LY75: variants seen among roughly 807,000 people sequenced by gnomAD.
LY75 encodes the protein C-type lectin domain family 13 member B.
A neutral mutation model predicts 231.7 loss-of-function variants in LY75; 185 were observed. The observed-to-expected ratio is 0.80, with a 90% CI of 0.71 to 0.90. The LOEUF (loss-of-function observed/expected upper bound fraction) is 0.90, where lower values mean the gene tolerates loss of function less well. Among genes scored for constraint, LY75 ranks in the 40% least tolerant of loss-of-function variants. The pLI is 0.00. For missense variants in LY75, 1,947 were observed against 2,050.2 expected (o/e 0.95, Z 0.97); for synonymous variants, 668 against 689.0 (o/e 0.97, Z 0.48).
chr2:159,900,943 A>C (rs1686057531), intron 1 of LY75, among the ~76,000 whole-genome samples: 1 of 152,012 alleles, frequency 6.6e-6, no homozygotes, highest in Non-Finnish European at 1.5e-5. Context: ...GGTTCAAGTG[A>C]TTCTCATGCC....
intron 28 of LY75, among the ~76,000 whole-genome samples, chr2:159,822,740 G>T (rs1683334864): frequency 1.3e-5 from 2 of 152,132 alleles, no homozygotes; most frequent in African/African-American, 4.8e-5. Flanking sequence ...CATCAGGCAG[G>T]TGCCCCTCTG....
intron 31 of LY75, among the ~76,000 whole-genome samples, chr2:159,813,700 C>T (rs1012164665): frequency 2.0e-5 from 3 of 152,114 alleles, no homozygotes; most frequent in African/African-American, 7.2e-5. Flanking sequence ...CCAATATGTC[C>T]TCACCTCAAC....
chr2:159,836,524 CAT>C (rs1683832851), intron 25 of LY75, among the ~76,000 whole-genome samples: 1 of 152,192 alleles, frequency 6.6e-6, no homozygotes, highest in Non-Finnish European at 1.5e-5. Flanking sequence ...AGAGACCTTA[CAT>C]ACCCACTGGT....
intron 11 of LY75, 38 bp from the exon 12 acceptor site, chr2:159,875,681 C>G (rs371081105): frequency 9.8e-5 from 157 of 1,606,528 alleles, no homozygotes; most frequent in Non-Finnish European, 1.3e-4. Flanking sequence ...AAAATTAAAA[C>G]GTTAAAGTTC....
At chr2:159,875,713 C>A in intron 11 of LY75, 70 bp from the exon 12 acceptor site, 1 of 1,564,104 alleles carries the variant, frequency 6.4e-7, no homozygotes, top group South Asian at 1.2e-5. Flanking sequence ...AGTGTTTCTA[C>A]TCTTTACTTC....
intron 22 of LY75, 62 bp from the exon 23 acceptor site, chr2:159,850,202 G>A (rs936789700): frequency 1.3e-6 from 2 of 1,533,060 alleles, no homozygotes; most frequent in Middle Eastern, 1.7e-4. Flanking sequence ...CATTAAAAAT[G>A]TCAATGAATA....
chr2:159,839,187 A>T (rs1433783585), intron 25 of LY75, among the ~76,000 whole-genome samples: 1 of 152,086 alleles, frequency 6.6e-6, no homozygotes, highest in Non-Finnish European at 1.5e-5. Flanking sequence ...TTTTGATAAC[A>T]ATTCTTGTTT....
At chr2:159,842,408 T>G (rs1307696657) in intron 23 of LY75, 34 bp from the exon 24 acceptor site, 6 of 1,590,992 alleles carry the variant, frequency 3.8e-6, no homozygotes, top group Non-Finnish European at 5.1e-6. Flanking sequence ...CATGCAATCA[T>G]GTAACAATGG....
At chr2:159,864,976 CA>C in intron 13 of LY75, 56 bp from the exon 14 acceptor site, 1 of 1,505,566 alleles carries the variant, frequency 6.6e-7, no homozygotes, top group Non-Finnish European at 9.0e-7. Flanking sequence ...AAATATTTAG[CA>C]CTCACATGTC....
At chr2:159,874,732 TATATGTAA>T (rs1685189221) in intron 12 of LY75, among the ~76,000 whole-genome samples, 1 of 82,366 alleles carries the variant, frequency 1.2e-5, no homozygotes, top group African/African-American at 4.5e-5. Flanking sequence ...ATTTTGTAAA[TATATGTAA>T]ATATATATAT....
At chr2:159,866,869 A>T (rs749992551) in intron 13 of LY75, among the ~76,000 whole-genome samples, 9 of 152,154 alleles carry the variant, frequency 5.9e-5, no homozygotes, top group Non-Finnish European at 1.2e-4. Context: ...CAGGAAGACG[A>T]TCAAAGATCA....
At chr2:159,891,871 A>C (rs921401077) in intron 3 of LY75, among the ~76,000 whole-genome samples, 1 of 152,238 alleles carries the variant, frequency 6.6e-6, no homozygotes, top group Admixed American at 6.5e-5. Context: ...CTCTAAGCAA[A>C]CTTTCACATC....
At chr2:159,889,732 A>C (rs928081561) in intron 4 of LY75, among the ~76,000 whole-genome samples, 1 of 152,190 alleles carries the variant, frequency 6.6e-6, no homozygotes, top group Non-Finnish European at 1.5e-5. Flanking sequence ...AACAAAACAA[A>C]GTCCTACCCA....
chr2:159,834,576 T>C (rs796375304), intron 26 of LY75, among the ~76,000 whole-genome samples: 12 of 152,336 alleles, frequency 7.9e-5, no homozygotes, highest in African/African-American at 2.6e-4. Flanking sequence ...ACTCTGAGAA[T>C]TTATTTTAAA....
intron 4 of LY75, 97 bp from the exon 5 acceptor site, chr2:159,886,627 T>C (rs1233782524): frequency 9.6e-6 from 12 of 1,252,600 alleles, no homozygotes; most frequent in Non-Finnish European, 1.3e-5. Context: ...TCTGCAGACC[T>C]TGATTGTAAG....
rs531030598 is a variant in LY75, at chr2:159,819,708, A to G, written c.4153+18T>C. On this transcript the variant is annotated intron_variant, in intron 29 of 34. Coordinates refer to ENST00000263636, the MANE Select transcript of LY75 (RefSeq NM_002349.4). ...TTTCCCTGGAGTGAAAGAAAACTCT[A>G]TATTTTACTATACTTACCCATTTCA... 7 of 1,583,050 alleles carry G rather than the reference A, an allele frequency of 4.4e-6. No individual in the cohort carries two copies. Among genetic ancestry groups the G allele is most frequent in the South Asian group, 1.2e-5 (1 of 85,668 alleles).
chr2:159,868,643 T>C (rs530924147), intron 13 of LY75, among the ~76,000 whole-genome samples: 4 of 152,318 alleles, frequency 2.6e-5, no homozygotes, highest in Non-Finnish European at 5.9e-5. Flanking sequence ...TGTATATGGA[T>C]GCTCTTAATG....
At chr2:159,888,527 T>C (rs1685661209) in intron 4 of LY75, among the ~76,000 whole-genome samples, 1 of 152,226 alleles carries the variant, frequency 6.6e-6, no homozygotes, top group South Asian at 2.1e-4. Flanking sequence ...GATGAGGTTG[T>C]AGTAATGATT....
chr2:159,838,231 A>T (rs1329005138), intron 25 of LY75, among the ~76,000 whole-genome samples: 24 of 152,234 alleles, frequency 1.6e-4, no homozygotes, highest in Admixed American at 1.6e-3. Flanking sequence ...CTTTCAATGT[A>T]AAGTATTTAT....
Sources: gnomAD v4.1 joint callset for allele counts (sites outside exome capture counted in the v4.1 genomes callset) on GRCh38, gnomAD v4.1.1 for gene constraint, MANE v1.5 for transcripts, NCBI Gene and HGNC (gene_info 2026-07-23, HGNC 2026-07-21) for gene names.